DOCK8: variants seen among roughly 807,000 people sequenced by gnomAD.
DOCK8 encodes dedicator of cytokinesis protein 8.
A neutral mutation model predicts 245.6 loss-of-function variants in DOCK8; 141 were observed. That is an observed-to-expected ratio of 0.57 (90% CI 0.50 to 0.66). DOCK8 has a LOEUF of 0.66. Ranked by LOEUF, DOCK8 falls within the 30% of genes least tolerant of loss-of-function variation. The pLI is 0.00. For synonymous variants in DOCK8, 1,168 were observed against 970.2 expected, an observed-to-expected ratio of 1.20 and a Z score of -3.79; for missense variants, 2,965 against 2,603.4, an observed-to-expected ratio of 1.14 and a Z score of -3.02.
chr9:451,479 C>T (rs1484954428), intron 45 of DOCK8, among the ~76,000 whole-genome samples: 3 of 151,774 alleles, frequency 2.0e-5, no homozygotes, highest in African/African-American at 4.8e-5. Flanking sequence ...CAAAAATAGC[C>T]AGGTATAGTG....
chr9:398,508 A>G (rs2054570078), intron 25 of DOCK8, among the ~76,000 whole-genome samples: 1 of 152,248 alleles, frequency 6.6e-6, no homozygotes, highest in Non-Finnish European at 1.5e-5. Context: ...GAAGCACTGT[A>G]AAATCCCTCA....
chr9:441,817 C>T (rs928575142), intron 41 of DOCK8, 58 bp from the exon 42 acceptor site: 92 of 1,468,776 alleles, frequency 6.3e-5, no homozygotes, highest in Middle Eastern at 3.8e-4. Flanking sequence ...CCCTTTGCAA[C>T]TCAGTGGCTC....
chr9:366,004 G>C (rs1233815558), intron 14 of DOCK8: 1 of 193,528 alleles, frequency 5.2e-6, no homozygotes, highest in Non-Finnish European at 1.1e-5. Context: ...TTTGGGAAGT[G>C]CTGCTAAGTC....
intron 6 of DOCK8, chr9:313,071 T>G (rs1409455232): frequency 6.6e-6 from 1 of 152,490 alleles, no homozygotes; most frequent in Non-Finnish European, 1.5e-5. Flanking sequence ...GGATTGTGTT[T>G]GCTAACCTGC....
At chr9:338,636 C>T (rs988821112) in intron 12 of DOCK8, among the ~76,000 whole-genome samples, 4 of 151,850 alleles carry the variant, frequency 2.6e-5, no homozygotes, top group South Asian at 2.1e-4. Context: ...TCTCCACCTT[C>T]GAACATTTGA....
In DOCK8 at chr9:344,466, A is replaced by G. The variant is rs146646552; in HGVS notation, c.1679+4145A>G. On this transcript the variant is annotated intron_variant, in intron 14 of 47. Coordinates refer to ENST00000432829, the MANE Select transcript of DOCK8 (RefSeq NM_203447.4). ...CCCAGATGAGTGTCCCCTTTCCTGC[A>G]CCTCCCCCCATTCACGACATGGAAA... is the stretch of plus-strand genomic sequence containing the variant. 3.1e-3 allele frequency among the ~76,000 whole-genome samples: 465 copies of G among 151,652 alleles called. 1 individual carries two copies. Among genetic ancestry groups the G allele is most frequent in the African/African-American group, 0.011 (440 of 41,296 alleles).
At chr9:327,814 CA>C (rs1368499607) in intron 8 of DOCK8, among the ~76,000 whole-genome samples, 1 of 152,194 alleles carries the variant, frequency 6.6e-6, no homozygotes, top group Non-Finnish European at 1.5e-5. Flanking sequence ...TTTCAAGGAA[CA>C]TCTCTCAAAT....
At chr9:364,680 A>G (rs892385972) in intron 14 of DOCK8, among the ~76,000 whole-genome samples, 1 of 151,784 alleles carries the variant, frequency 6.6e-6, no homozygotes, top group Non-Finnish European at 1.5e-5. Context: ...GTAGAAGGGA[A>G]AAGGCTAAAT....
Position 215,481 on chromosome 9 carries a change from G to A in DOCK8, c.53+452G>A, listed in dbSNP as rs1054932215. ...ATTAGAGTTGCGTTTGAGGCAGGCT[G>A]CAAGCCTTCTGTCGTCCTGAGCAAG... On this transcript the variant is annotated intron_variant, in intron 1 of 47. Transcript: ENST00000432829. 7.5e-6 allele frequency: 11 copies of A among 1,471,996 alleles called. No homozygotes were observed. The South Asian group carries it at 1.6e-4, about 21-fold the overall frequency. 91.2% of individuals were successfully genotyped at this position (1,471,996 alleles called of 1,614,324 possible). A position where few individuals can be genotyped will look rare whatever the true frequency, so the allele number is the denominator to read the frequency against.
intron 42 of DOCK8, among the ~76,000 whole-genome samples, chr9:442,526 G>A (rs1308158167): frequency 6.6e-6 from 1 of 152,164 alleles, no homozygotes; most frequent in Admixed American, 6.5e-5. Context: ...GCTCCAACCT[G>A]CCAGTGAGTG....
intron 4 of DOCK8, among the ~76,000 whole-genome samples, chr9:292,111 C>G (rs1002289013): frequency 1.5e-4 from 22 of 145,248 alleles, no homozygotes; most frequent in African/African-American, 5.5e-4. Context: ...GTGCTCATGC[C>G]TGTAATCCCA....
In DOCK8 at chr9:377,180, C is replaced by G. The variant is rs965001023; in HGVS notation, c.2409C>G (p.Ser803=). ...TGCTGGACAAGCTCTTCCAGCTGTC[C>G]GTGCAGCCCATGGTCATCGCTGGCC... ...HLVLDKLFQL[S]VQPMVIAGQT... Residue 803 remains serine (S), a synonymous_variant, in exon 20 of 48, where the codon TCC becomes TCG. Coordinates refer to ENST00000432829, the MANE Select transcript of DOCK8 (RefSeq NM_203447.4). 1 of 1,601,092 alleles carries G rather than the reference C, an allele frequency of 6.2e-7. No individual in the cohort carries two copies. The highest frequency in any genetic ancestry group is 1.3e-5 in the African/African-American group (1 of 74,848).
chr9:234,415 C>T (rs951643339), intron 1 of DOCK8, among the ~76,000 whole-genome samples: 2 of 152,094 alleles, frequency 1.3e-5, no homozygotes, highest in Non-Finnish European at 2.9e-5. Flanking sequence ...GTGGCGTTCT[C>T]TGTATTTTCT....
chr9:380,145 C>T lies in DOCK8; in HGVS notation c.2605+210C>T, dbSNP rs1407322972. ...CTCTAGGAGGCTGAGATGGCAGGAT[C>T]GCTTGGAGCAGTGGCTCACATCTGC... is the stretch of plus-strand genomic sequence containing the variant. On this transcript the variant is annotated intron_variant, in intron 21 of 47. Coordinates refer to ENST00000432829, the MANE Select transcript of DOCK8 (RefSeq NM_203447.4). 1,427 of 142,934 alleles carry T rather than the reference C, an allele frequency of 1.0e-2. 24 individuals are homozygous for T. Among genetic ancestry groups the T allele is most frequent in the Admixed American group, 0.034 (330 of 9,790 alleles). The allele number at this position is 142,934 out of a possible 1,614,324, so 8.9% of individuals were successfully genotyped here.
chr9:244,367 T>A (rs947635636), intron 1 of DOCK8, among the ~76,000 whole-genome samples: 8 of 152,032 alleles, frequency 5.3e-5, no homozygotes, highest in African/African-American at 1.9e-4. Context: ...CATTTTCTAT[T>A]CTGTTCTATT....
rs1166248716 is a variant in DOCK8 at position 428,443 on chromosome 9, A to T, written c.4420A>T (p.Ser1474Cys). 1.9e-6 allele frequency: 3 copies of T among 1,614,084 alleles called. No homozygotes were observed. Among genetic ancestry groups the T allele is most frequent in the Non-Finnish European group, 2.5e-6 (3 of 1,180,038 alleles). ...VLVNSLNCDQ[S>C]TTYLTHCFAT... ...GGTGAATTCTCTGAACTGTGATCAG[A>T]GTACCACCTACCTGACTCACTGCTT... The change falls in exon 35 of 48, where the codon AGT (serine) becomes TGT (cysteine). Residue 1474 changes from serine (S) to cysteine (C), a missense_variant. This residue lies in a region of DOCK8 where 2,825 missense variants were observed against 2,453.5 expected (regional missense o/e 1.15). Coordinates refer to ENST00000432829, the MANE Select transcript of DOCK8 (RefSeq NM_203447.4).
Position 377,020 on chromosome 9 carries a change from A to G in DOCK8, c.2249A>G (p.Glu750Gly). 4 of 1,614,058 alleles carry G rather than the reference A, an allele frequency of 2.5e-6. No individual in the cohort carries two copies. The highest frequency in any genetic ancestry group is 3.4e-6 in the Non-Finnish European group (4 of 1,180,012). ...EKFFTLCHSL[E>G]SQVTFPIRVL... ...TTCTTCACCCTCTGCCACTCCCTGG[A>G]GAGCCAGGTGACCTTCCCCATCCGC... Residue 750 changes from glutamate to glycine, a missense_variant, in exon 20 of 48, where the codon GAG becomes GGG. By Grantham distance (98) the Glu-to-Gly change is moderately conservative. Transcript: ENST00000432829.
At chr9:398,793 C>CA (rs200942779) in intron 25 of DOCK8, among the ~76,000 whole-genome samples, 24 of 116,434 alleles carry the variant, frequency 2.1e-4, no homozygotes, top group South Asian at 5.2e-4. Flanking sequence ...GTCAGTTTGC[C>CA]AAAAAAAAAG....
At chr9:365,232 A>G (rs572262389) in intron 14 of DOCK8, among the ~76,000 whole-genome samples, 1 of 152,228 alleles carries the variant, frequency 6.6e-6, no homozygotes, top group Non-Finnish European at 1.5e-5. Flanking sequence ...TGTAGAAGTC[A>G]AGATCTATTG....
Sources: allele counts gnomAD v4.1 joint callset (sites outside exome capture counted in the v4.1 genomes callset), GRCh38; gene constraint gnomAD v4.1.1; regional missense constraint gnomAD v4.1.1; transcripts MANE v1.5; gene names NCBI Gene and HGNC (gene_info 2026-07-23, HGNC 2026-07-21).